The following PLXDC2 variants were observed in gnomAD, a reference collection of about 807,000 sequenced individuals.
PLXDC2 encodes plexin domain-containing protein 2.
In PLXDC2, 40 loss-of-function variants were observed where a neutral mutation model predicts 68.9. That is an observed-to-expected ratio of 0.58 (90% CI 0.45 to 0.76). The LOEUF (loss-of-function observed/expected upper bound fraction) is 0.76. Among genes scored for constraint, PLXDC2 ranks in the 30% least tolerant of loss-of-function variants. PLXDC2 has a pLI of 0.00. For missense variants in PLXDC2, 644 were observed against 661.9 expected (o/e 0.97, Z 0.30); for synonymous variants, 243 against 234.2 (o/e 1.04, Z -0.34).
At chr10:19,910,976 T>C (rs1194531932) in intron 1 of PLXDC2, among the ~76,000 whole-genome samples, 1 of 151,910 alleles carries the variant, frequency 6.6e-6, no homozygotes, top group African/African-American at 2.4e-5. Context: ...GCCACTGCAC[T>C]CCAGCTGAGG....
rs1029442720 is a variant in PLXDC2, at chr10:19,816,707, C to T, written c.-373C>T. On this transcript the variant is annotated 5_prime_UTR_variant, in exon 1 of 14. Transcript: ENST00000377252. ...TAGATCTGTTTTGAACCCAGTGGAGCGCATCGCTGGGGCTCGGAAGTCACC... is the reference window on the plus strand; with the variant it reads ...TAGATCTGTTTTGAACCCAGTGGAGTGCATCGCTGGGGCTCGGAAGTCACC... 3.3e-5 allele frequency: 12 copies of T among 364,272 alleles called. No individual in the cohort carries two copies. Among genetic ancestry groups the T allele is most frequent in the Non-Finnish European group, 5.6e-5 (11 of 195,790 alleles). 22.6% of individuals were successfully genotyped at this position (364,272 alleles called of 1,614,324 possible). A position where few individuals can be genotyped will look rare whatever the true frequency, so the allele number is the denominator to read the frequency against.
At chr10:20,122,312 G>A (rs1451217290) in intron 4 of PLXDC2, among the ~76,000 whole-genome samples, 2 of 152,142 alleles carry the variant, frequency 1.3e-5, no homozygotes, top group Admixed American at 1.3e-4. Context: ...GGAGTGAGTA[G>A]CCTCCGTATT....
At chr10:19,942,041 C>T (rs1833829137) in intron 1 of PLXDC2, among the ~76,000 whole-genome samples, 2 of 150,580 alleles carry the variant, frequency 1.3e-5, no homozygotes, top group Admixed American at 6.6e-5. Context: ...GAGTTGGACA[C>T]AGAAGCAGAA....
intron 13 of PLXDC2, among the ~76,000 whole-genome samples, chr10:20,256,215 C>T (rs1835740376): frequency 6.6e-6 from 1 of 151,886 alleles, no homozygotes; most frequent in African/African-American, 2.4e-5. Context: ...TCACTGCAAC[C>T]TCTGCCTCCT....
chr10:19,870,208 TAGAC>T (rs1564614659), intron 1 of PLXDC2, among the ~76,000 whole-genome samples: 1 of 152,036 alleles, frequency 6.6e-6, no homozygotes, highest in Non-Finnish European at 1.5e-5. Context: ...TAAGTAAAGA[TAGAC>T]AGGGAGGAGG....
intron 2 of PLXDC2, among the ~76,000 whole-genome samples, chr10:20,010,006 A>T (rs1293283951): frequency 1.3e-5 from 2 of 152,104 alleles, no homozygotes; most frequent in Non-Finnish European, 2.9e-5. Context: ...AAGGCTGTGG[A>T]TGAGCATATG....
intron 9 of PLXDC2, among the ~76,000 whole-genome samples, 177 bp from the exon 10 acceptor site, chr10:20,211,492 A>G (rs1379344614): frequency 2.0e-5 from 3 of 152,184 alleles, no homozygotes; most frequent in Non-Finnish European, 4.4e-5. Flanking sequence ...GTGATTATTT[A>G]GCAACCCTCT....
chr10:19,862,940 G>A (rs1837343169), intron 1 of PLXDC2, among the ~76,000 whole-genome samples: 1 of 152,200 alleles, frequency 6.6e-6, no homozygotes, highest in South Asian at 2.1e-4. Flanking sequence ...GAAGCAGGTT[G>A]TGAAGAGCTT....
intron 2 of PLXDC2, among the ~76,000 whole-genome samples, chr10:20,017,081 A>G (rs917151917): frequency 6.6e-6 from 1 of 152,218 alleles, no homozygotes; most frequent in Non-Finnish European, 1.5e-5. Context: ...GCCTGGAGAA[A>G]GAGAGAGGCA....
intron 1 of PLXDC2, among the ~76,000 whole-genome samples, chr10:19,931,236 A>T (rs1010078613): frequency 6.6e-6 from 1 of 152,238 alleles, no homozygotes; most frequent in Non-Finnish European, 1.5e-5. Flanking sequence ...AGAAGTCCTG[A>T]GGACGGGCCA....
chr10:20,135,390 G>A (rs756916311), intron 4 of PLXDC2, among the ~76,000 whole-genome samples: 7 of 152,178 alleles, frequency 4.6e-5, no homozygotes, highest in African/African-American at 7.2e-5. Flanking sequence ...AAGCATTTAG[G>A]GAGGTGGGGA....
chr10:19,852,847 T>A (rs1347221636), intron 1 of PLXDC2, among the ~76,000 whole-genome samples: 1 of 152,242 alleles, frequency 6.6e-6, no homozygotes, highest in African/African-American at 2.4e-5. Context: ...AGTAAAGGAA[T>A]CTGATTGTGT....
chr10:19,918,116 A>G (rs747071847), intron 1 of PLXDC2, among the ~76,000 whole-genome samples: 1 of 152,172 alleles, frequency 6.6e-6, no homozygotes, highest in South Asian at 2.1e-4. Flanking sequence ...TGGTAGCCCT[A>G]TAGATACTAT....
At chr10:20,272,005 G>A (rs1359964668) in intron 13 of PLXDC2, among the ~76,000 whole-genome samples, 1 of 152,118 alleles carries the variant, frequency 6.6e-6, no homozygotes, top group Non-Finnish European at 1.5e-5. Flanking sequence ...TTTATCGGAT[G>A]ACTGAATGCA....
At chr10:19,930,244 T>A (rs1833604032) in intron 1 of PLXDC2, among the ~76,000 whole-genome samples, 1 of 152,158 alleles carries the variant, frequency 6.6e-6, no homozygotes, top group African/African-American at 2.4e-5. Flanking sequence ...AAAATGAGGA[T>A]GATATGTCTC....
chr10:20,181,067 T>C (rs1218372664), intron 9 of PLXDC2, among the ~76,000 whole-genome samples: 1 of 152,022 alleles, frequency 6.6e-6, no homozygotes, highest in Non-Finnish European at 1.5e-5. Flanking sequence ...AATAGATATA[T>C]AGAAAGCAGA....
intron 4 of PLXDC2, among the ~76,000 whole-genome samples, chr10:20,097,819 T>G (rs181834767): frequency 3.6e-4 from 55 of 151,762 alleles, no homozygotes; most frequent in African/African-American, 1.3e-3. Context: ...GTTATTGCTT[T>G]GCTTTACAAT....
chr10:20,199,709 T>C (rs1437695153), intron 9 of PLXDC2, among the ~76,000 whole-genome samples: 1 of 151,970 alleles, frequency 6.6e-6, no homozygotes, highest in East Asian at 1.9e-4. Flanking sequence ...TTTCCACATC[T>C]ATTCGATCAG....
chr10:20,169,456 T>C (rs763521744), intron 7 of PLXDC2, among the ~76,000 whole-genome samples: 3 of 152,186 alleles, frequency 2.0e-5, no homozygotes, highest in African/African-American at 4.8e-5. Context: ...ATAGCTCTAT[T>C]AAGTAATTCT....
Sources: gnomAD v4.1 joint callset for allele counts (sites outside exome capture counted in the v4.1 genomes callset) on GRCh38, gnomAD v4.1.1 for gene constraint, MANE v1.5 for transcripts, NCBI Gene and HGNC (gene_info 2026-07-23, HGNC 2026-07-21) for gene names.